Variants in STPG4 observed in about 807,000 individuals in gnomAD.
STPG4 encodes the protein protein STPG4.
A neutral mutation model predicts 31.5 loss-of-function variants in STPG4; 41 were observed. The observed-to-expected ratio is 1.30, with a 90% CI of 1.01 to 1.69. STPG4 has a LOEUF of 1.69. STPG4 is among the 40% of genes most tolerant of loss of function. The probability of loss-of-function intolerance (pLI) is 0.00; values close to 1 mark genes in which losing one functional copy is unlikely to be tolerated. For missense variants in STPG4, 375 were observed against 293.4 expected (o/e 1.28, Z -2.03); for synonymous variants, 141 against 103.0 (o/e 1.37, Z -2.24).
intron 3 of STPG4, among the ~76,000 whole-genome samples, chr2:47,149,700 A>G (rs1234145438): frequency 6.6e-6 from 1 of 152,374 alleles, no homozygotes; most frequent in Middle Eastern, 3.4e-3. Flanking sequence ...CTCTCAGGTT[A>G]TCACAATAAT....
intron 6 of STPG4, among the ~76,000 whole-genome samples, chr2:47,088,325 T>A (rs901659448): frequency 4.6e-5 from 7 of 152,220 alleles, no homozygotes; most frequent in Admixed American, 2.0e-4. Flanking sequence ...AGACTAAGAC[T>A]TCAATTTCTT....
chr2:47,152,879 G>C, intron 2 of STPG4, 78 bp downstream of exon 2: 1 of 1,033,916 alleles, frequency 9.7e-7, no homozygotes, highest in Non-Finnish European at 1.4e-6. Flanking sequence ...TTTAGTGTTA[G>C]TCTTAAAAGC....
intron 3 of STPG4, among the ~76,000 whole-genome samples, chr2:47,135,864 A>G (rs1177747309): frequency 2.0e-5 from 3 of 152,172 alleles, no homozygotes; most frequent in African/African-American, 7.2e-5. Flanking sequence ...CTTTGCCAAT[A>G]TAATACTCTC....
rs539892008 is a variant in STPG4 at position 47,127,522 on chromosome 2, G to A, written c.519+2419C>T. On this transcript the variant is annotated intron_variant, in intron 5 of 6. Coordinates refer to ENST00000445927, the MANE Select transcript of STPG4 (RefSeq NM_001163561.2). ...GGCCTCAAGCCGTCTGCCTGCCTCA[G>A]CCTCCCAAAGTGCTGGGATTACAGG... Among the ~76,000 whole-genome samples, 4 of 152,148 alleles carry A rather than the reference G, an allele frequency of 2.6e-5. No homozygotes were observed. In the East Asian group the frequency reaches 5.8e-4, roughly 22 times the overall value.
intron 3 of STPG4, among the ~76,000 whole-genome samples, chr2:47,135,231 A>G (rs1476851234): frequency 6.6e-6 from 1 of 152,200 alleles, no homozygotes; most frequent in Non-Finnish European, 1.5e-5. Context: ...TTCATGGATC[A>G]TGCTTTTGGT....
chr2:47,108,257 C>G (rs1393370695), intron 5 of STPG4: 1 of 151,624 alleles, frequency 6.6e-6, no homozygotes, highest in Non-Finnish European at 1.5e-5. Context: ...GCAGGCTCCC[C>G]GAGCCAGCAG....
At position 47,099,103 on chromosome 2, in the gene STPG4, G is replaced by C. The variant is rs142010920; in HGVS notation, c.520-8729C>G. Among the ~76,000 whole-genome samples, 282 of 152,320 alleles carry C rather than the reference G, an allele frequency of 1.9e-3. 1 individual carries two copies. The highest frequency in any genetic ancestry group is 6.5e-3 in the African/African-American group (272 of 41,564). Reference sequence around the variant, plus strand: ...GGTTTCTAGTTAGGCTGTCACATGGGAGGGGCAACACCAAGTGATCACAAA... The same window carrying C: ...GGTTTCTAGTTAGGCTGTCACATGGCAGGGGCAACACCAAGTGATCACAAA... On this transcript the variant is annotated intron_variant, in intron 5 of 6. Coordinates refer to ENST00000445927, the MANE Select transcript of STPG4 (RefSeq NM_001163561.2).
At chr2:47,115,608 C>T (rs1273151036) in intron 5 of STPG4, among the ~76,000 whole-genome samples, 1 of 150,356 alleles carries the variant, frequency 6.7e-6, no homozygotes, top group Admixed American at 6.6e-5. Context: ...ACCAGGTTTC[C>T]ATCCTTCTGT....
chr2:47,152,347 A>G (rs1387178859), intron 2 of STPG4, among the ~76,000 whole-genome samples: 1 of 152,260 alleles, frequency 6.6e-6, no homozygotes, highest in Non-Finnish European at 1.5e-5. Context: ...AATGGCCAGA[A>G]TTGAACGTTT....
At position 47,108,159 on chromosome 2, in the gene STPG4, T is replaced by A. The variant is rs1204968088; in HGVS notation, c.520-17785A>T. 2.6e-5 allele frequency among the ~76,000 whole-genome samples: 4 copies of A among 151,276 alleles called. No homozygotes were observed. The East Asian group carries it at 7.8e-4, about 29-fold the overall frequency. The stretch of plus-strand genomic sequence containing the variant: ...ACCTTTATGTCTAGCTCAGGGATTG[T>A]AAACACACCAATCAGCGCCCTGTCA... On this transcript the variant is annotated intron_variant, in intron 5 of 6. Transcript: ENST00000445927.
At chr2:47,143,071 C>G (rs1448197028) in intron 3 of STPG4, among the ~76,000 whole-genome samples, 1 of 152,136 alleles carries the variant, frequency 6.6e-6, no homozygotes, top group Non-Finnish European at 1.5e-5. Flanking sequence ...GGTGATCTGC[C>G]TGCCTCGGCC....
intron 3 of STPG4, among the ~76,000 whole-genome samples, chr2:47,143,693 T>A (rs1686762224): frequency 6.6e-6 from 1 of 151,968 alleles, no homozygotes; most frequent in Non-Finnish European, 1.5e-5. Flanking sequence ...TTTCACCGTG[T>A]TAGCCATGAT....
chr2:47,151,331 T>A lies in STPG4; in HGVS notation c.326A>T (p.Lys109Met), dbSNP rs1208973346. Residue 109 changes from lysine to methionine, a missense_variant, in exon 3 of 7, where the codon AAG (lysine) becomes ATG (methionine). Physicochemically the swap from Lys to Met is moderately conservative, Grantham distance 95 (BLOSUM62 -1). Transcript: ENST00000445927. ...GAATGAGTAAGTAGCCACTTGCTTCTTTAACAGGTCCAGGAAGTCAGGAGG... is the reference window on the plus strand; with the variant it reads ...GAATGAGTAAGTAGCCACTTGCTTCATTAACAGGTCCAGGAAGTCAGGAGG... ...YMPPDFLDLL[K>M]KQVATYSFKD... is the part of the protein sequence containing the mutation. The A allele has an allele frequency of 6.2e-7, 1 of 1,614,102 alleles. No homozygotes were observed. The highest frequency in any genetic ancestry group is 8.5e-7 in the Non-Finnish European group (1 of 1,180,028).
Position 47,153,009 on chromosome 2 carries a change from G to T in STPG4, c.89C>A (p.Ala30Asp). 6.2e-7 allele frequency: 1 copy of T among 1,609,998 alleles called. No individual in the cohort carries two copies. The highest frequency in any genetic ancestry group is 8.5e-7 in the Non-Finnish European group (1 of 1,177,306). Residue 30 changes from alanine (A) to aspartate (D), a missense_variant, in exon 2 of 7, where the codon GCC becomes GAC. Physicochemically the swap from Ala to Asp is moderately radical, Grantham distance 126. Transcript: ENST00000445927. ...TCTTTCAAAAGAGGAAGTCTTTTGG[G>T]CTGGTTTCTGTTAACAAACACAAAG... ...GESFITASKP[A>D]QKTSSFEREG...
At chr2:47,091,871 C>T in intron 5 of STPG4, among the ~76,000 whole-genome samples, 1 of 151,724 alleles carries the variant, frequency 6.6e-6, no homozygotes. Flanking sequence ...ACATTGTTTC[C>T]AAAAGTGAAA....
At chr2:47,129,109 C>G (rs1048345427) in intron 5 of STPG4, 1 of 152,246 alleles carries the variant, frequency 6.6e-6, no homozygotes, top group African/African-American at 2.4e-5. Context: ...GGCCTCAGGA[C>G]TCTGCCTGAG....
intron 3 of STPG4, among the ~76,000 whole-genome samples, chr2:47,138,069 A>G (rs967944228): frequency 6.6e-6 from 1 of 152,012 alleles, no homozygotes; most frequent in Admixed American, 6.6e-5. Context: ...GACTTACATG[A>G]TTAATTTTTG....
intron 5 of STPG4, among the ~76,000 whole-genome samples, chr2:47,098,943 G>T (rs148186342): frequency 1.3e-5 from 2 of 152,162 alleles, no homozygotes; most frequent in Admixed American, 1.3e-4. Context: ...GGTCATATAC[G>T]CTGGTGGATG....
intron 3 of STPG4, among the ~76,000 whole-genome samples, chr2:47,149,187 A>G (rs1217879480): frequency 1.3e-5 from 2 of 152,192 alleles, no homozygotes; most frequent in East Asian, 3.8e-4. Context: ...GGAGGTGGAG[A>G]GGAAAGAAGA....
Sources: allele counts gnomAD v4.1 joint callset (sites outside exome capture counted in the v4.1 genomes callset), GRCh38; gene constraint gnomAD v4.1.1; transcripts MANE v1.5; gene names NCBI Gene and HGNC (gene_info 2026-07-23, HGNC 2026-07-21).